The following LMBR1 variants were observed in gnomAD, a reference collection of about 807,000 sequenced individuals.
The protein encoded by LMBR1 is limb development membrane protein 1.
A neutral mutation model predicts 73.9 loss-of-function variants in LMBR1; 52 were observed. The ratio of observed to expected loss-of-function variants is 0.70; its 90% CI spans 0.56 to 0.89. The LOEUF (loss-of-function observed/expected upper bound fraction) is 0.89, where lower values mean the gene tolerates loss of function less well. LMBR1 is among the 40% of genes least tolerant of loss of function. The pLI, the probability that LMBR1 is intolerant of heterozygous loss-of-function variation, is 0.00. For synonymous variants in LMBR1, 215 were observed against 209.4 expected (o/e 1.03, Z -0.23); for missense variants, 539 against 579.8 (o/e 0.93, Z 0.72).
At chr7:156,699,179 A>G (rs918609048) in intron 15 of LMBR1, among the ~76,000 whole-genome samples, 2 of 152,088 alleles carry the variant, frequency 1.3e-5, no homozygotes, top group African/African-American at 4.8e-5. Flanking sequence ...AGTAACCAAA[A>G]CAGCATGGTA....
chr7:156,749,249 C>A (rs936597284), intron 9 of LMBR1, among the ~76,000 whole-genome samples: 15 of 151,604 alleles, frequency 9.9e-5, no homozygotes, highest in Admixed American at 6.6e-5. Flanking sequence ...ATTTAGAGGA[C>A]AGAAGAGAAT....
At chr7:156,892,854 G>A (rs113623242) in intron 1 of LMBR1, 74 bp downstream of exon 1, 3 of 1,076,998 alleles carry the variant, frequency 2.8e-6, no homozygotes, top group South Asian at 2.0e-5. Flanking sequence ...TCCGGGGACC[G>A]GGGGCCCGGG....
At chr7:156,867,687 C>T (rs536620511) in intron 1 of LMBR1, among the ~76,000 whole-genome samples, 86 of 152,170 alleles carry the variant, frequency 5.7e-4, no homozygotes, top group Non-Finnish European at 7.2e-4. Flanking sequence ...AATCAATTTA[C>T]GTAAGAAATA....
Position 156,716,552 on chromosome 7 carries a change from G to A in LMBR1, c.1225+7560C>T, listed in dbSNP as rs527776511. 3.9e-4 allele frequency among the ~76,000 whole-genome samples: 59 copies of A among 152,298 alleles called. No homozygotes were observed. The Middle Eastern group carries it at 0.01, about 26-fold the overall frequency. On this transcript the variant is annotated intron_variant, in intron 15 of 16. Coordinates refer to ENST00000353442, the MANE Select transcript of LMBR1 (RefSeq NM_022458.4). ...TCCAGCATGGATGGTAACTGGCTGCGATCTTCCTGAGGAAAGTTCTCCAGA... is the reference window on the plus strand; with the variant it reads ...TCCAGCATGGATGGTAACTGGCTGCAATCTTCCTGAGGAAAGTTCTCCAGA...
chr7:156,793,866 C>T (rs1388557338), intron 5 of LMBR1, among the ~76,000 whole-genome samples: 1 of 152,078 alleles, frequency 6.6e-6, no homozygotes, highest in African/African-American at 2.4e-5. Context: ...CATTATTACA[C>T]CCATTTTATA....
chr7:156,749,404 G>A (rs975708529), intron 9 of LMBR1, among the ~76,000 whole-genome samples: 2 of 152,090 alleles, frequency 1.3e-5, no homozygotes, highest in African/African-American at 4.8e-5. Context: ...CTCTAAAAAA[G>A]CAACCATAAA....
Position 156,685,134 on chromosome 7 carries a change from G to A in LMBR1, c.1388-971C>T, listed in dbSNP as rs1805729138. On this transcript the variant is annotated intron_variant, in intron 16 of 16. Coordinates refer to ENST00000353442, the MANE Select transcript of LMBR1 (RefSeq NM_022458.4). The surrounding 1 kb of genome is among the most constrained non-coding windows in gnomAD (Gnocchi z 4.1). ...ATAAATAATATCTCACTACCCAAAG[G>A]TATTTCACAGAATAAAAAACTATCA... 6.6e-6 allele frequency among the ~76,000 whole-genome samples: 1 copy of A among 151,952 alleles called. No homozygotes were observed. Among genetic ancestry groups the A allele is most frequent in the Non-Finnish European group, 1.5e-5 (1 of 67,960 alleles).
intron 15 of LMBR1, among the ~76,000 whole-genome samples, chr7:156,705,941 T>C (rs1221602062): frequency 6.6e-6 from 1 of 152,158 alleles, no homozygotes; most frequent in African/African-American, 2.4e-5. Context: ...AATATTAACC[T>C]TGAATATAAA....
intron 15 of LMBR1, among the ~76,000 whole-genome samples, chr7:156,704,728 GA>G (rs1333021716): frequency 6.9e-6 from 1 of 144,614 alleles, no homozygotes; most frequent in African/African-American, 2.6e-5. Flanking sequence ...ATGTGAATAA[GA>G]AGTTTACTAA....
At chr7:156,684,478 G>A (rs1291934973) in intron 16 of LMBR1, among the ~76,000 whole-genome samples, 1 of 152,062 alleles carries the variant, frequency 6.6e-6, no homozygotes, top group Non-Finnish European at 1.5e-5. Context: ...CAACATCCCC[G>A]AGGGCCAGCG....
chr7:156,675,964 G>T, downstream of LMBR1: 1 of 1,226,250 alleles, frequency 8.2e-7, no homozygotes, highest in Admixed American at 1.9e-5. Context: ...ACTTTGGGGA[G>T]CCTAGGAGTG....
chr7:156,750,062 A>G (rs1820563937), intron 9 of LMBR1, among the ~76,000 whole-genome samples: 1 of 152,228 alleles, frequency 6.6e-6, no homozygotes, highest in African/African-American at 2.4e-5. Flanking sequence ...AATCGTATCT[A>G]AAGAAACTGA....
chr7:156,784,748 C>T (rs1246637021), intron 5 of LMBR1, among the ~76,000 whole-genome samples: 1 of 152,170 alleles, frequency 6.6e-6, no homozygotes, highest in Non-Finnish European at 1.5e-5. Flanking sequence ...TAAAATTCAT[C>T]TGCATTGCTC....
chr7:156,743,360 G>A (rs1394366199), intron 9 of LMBR1, among the ~76,000 whole-genome samples: 1 of 152,016 alleles, frequency 6.6e-6, no homozygotes, highest in Admixed American at 6.6e-5. Context: ...ATCTTTTTAG[G>A]TTTATGCCTC....
At chr7:156,689,196 C>T (rs925402157) in intron 15 of LMBR1, among the ~76,000 whole-genome samples, 16 of 152,018 alleles carry the variant, frequency 1.1e-4, no homozygotes, top group African/African-American at 3.4e-4. Flanking sequence ...ATAAATAAAT[C>T]ACATCATTCA....
intron 10 of LMBR1, among the ~76,000 whole-genome samples, chr7:156,731,185 A>G (rs1476048995): frequency 6.6e-6 from 1 of 152,224 alleles, no homozygotes; most frequent in Non-Finnish European, 1.5e-5. Context: ...TAGTTATGAC[A>G]TAGCTGAAAG....
chr7:156,829,694 T>G (rs992806027), intron 3 of LMBR1, among the ~76,000 whole-genome samples: 1 of 152,094 alleles, frequency 6.6e-6, no homozygotes, highest in South Asian at 2.1e-4. Context: ...TGCTCCTCAT[T>G]CCCAGCAAAT....
At chr7:156,694,502 A>G (rs1807872143) in intron 15 of LMBR1, among the ~76,000 whole-genome samples, 1 of 152,240 alleles carries the variant, frequency 6.6e-6, no homozygotes, top group Non-Finnish European at 1.5e-5. Flanking sequence ...AAAGCTTCTA[A>G]GATCTGGAAG....
chr7:156,822,645 T>C (rs927884964), intron 4 of LMBR1: 2 of 151,448 alleles, frequency 1.3e-5, no homozygotes, highest in Admixed American at 6.6e-5. Context: ...CCAAATATTA[T>C]AAAAAATATT....
Sources: allele counts gnomAD v4.1 joint callset (sites outside exome capture counted in the v4.1 genomes callset), GRCh38; gene constraint gnomAD v4.1.1; non-coding constraint Gnocchi (gnomAD v3.1); transcripts MANE v1.5; gene names NCBI Gene and HGNC (gene_info 2026-07-23, HGNC 2026-07-21).